MYLK: variants seen among roughly 807,000 people sequenced by gnomAD.
MYLK encodes the protein myosin light chain kinase, smooth muscle.
A neutral mutation model predicts 203.4 loss-of-function variants in MYLK; 106 were observed. The observed-to-expected ratio is 0.52, with a 90% CI of 0.45 to 0.61. MYLK has a LOEUF of 0.61. MYLK is among the 20% of genes least tolerant of loss of function. MYLK has a pLI of 0.00. For synonymous variants in MYLK, 867 were observed against 959.5 expected (o/e 0.90, Z 1.78); for missense variants, 2,072 against 2,442.3 (o/e 0.85, Z 3.20).
chr3:123,812,764 G>A (rs1329703539), intron 3 of MYLK, among the ~76,000 whole-genome samples: 1 of 152,188 alleles, frequency 6.6e-6, no homozygotes. Flanking sequence ...CGGCTTCTCC[G>A]TTGACTGGGG....
intron 3 of MYLK, among the ~76,000 whole-genome samples, chr3:123,806,169 TTC>T (rs2065359432): frequency 6.6e-6 from 1 of 152,252 alleles, no homozygotes; most frequent in Non-Finnish European, 1.5e-5. Flanking sequence ...TGCTCTCATC[TTC>T]TCAGATTCTA....
chr3:123,862,781 A>G (rs1169222687), intron 2 of MYLK, among the ~76,000 whole-genome samples: 1 of 152,156 alleles, frequency 6.6e-6, no homozygotes, highest in African/African-American at 2.4e-5. Flanking sequence ...ATCCCCTTTC[A>G]GCAGCCCCCA....
chr3:123,673,473 T>G (rs1217083503), intron 20 of MYLK, among the ~76,000 whole-genome samples: 3 of 151,758 alleles, frequency 2.0e-5, no homozygotes, highest in Non-Finnish European at 4.4e-5. Flanking sequence ...AACAAACAGA[T>G]CCCCAGAGGA....
Position 123,805,137 on chromosome 3 carries a change from T to C in MYLK, c.-3-11293A>G, listed in dbSNP as rs146381644. Among the ~76,000 whole-genome samples the C allele has an allele frequency of 2.3e-3, 348 of 152,260 alleles. 14 individuals are homozygous for C. The East Asian group carries it at 0.06, about 26-fold the overall frequency. ...CATGGTTGACTCGAGCTTCCATTAC[T>C]GAAAGGCCTGGGGATACTTCTATTC... is the stretch of plus-strand genomic sequence containing the variant. On this transcript the variant is annotated intron_variant, in intron 3 of 33. Transcript: ENST00000360304.
chr3:123,823,996 A>G (rs2066025718), intron 3 of MYLK, among the ~76,000 whole-genome samples: 1 of 151,898 alleles, frequency 6.6e-6, no homozygotes, highest in South Asian at 2.1e-4. Context: ...TCACCTCCAC[A>G]GGGGGGCCTT....
intron 3 of MYLK, among the ~76,000 whole-genome samples, chr3:123,794,800 T>C (rs1198119993): frequency 2.0e-5 from 3 of 152,252 alleles, no homozygotes; most frequent in African/African-American, 4.8e-5. Flanking sequence ...ATTACCAATA[T>C]GTAAAAATAA....
Position 123,613,860 on chromosome 3 carries a change from G to A in MYLK, c.*245C>T. 2 of 529,764 alleles carry A rather than the reference G, an allele frequency of 3.8e-6. No individual in the cohort carries two copies. Among genetic ancestry groups the A allele is most frequent in the Non-Finnish European group, 6.8e-6 (2 of 294,660 alleles). 32.8% of individuals were successfully genotyped at this position (529,764 alleles called of 1,614,324 possible). ...AAATCAATTGGTCAGTCAAGTTACT[G>A]GTGATTTCCCTAAATGAAATCTAGC... On this transcript the variant is annotated 3_prime_UTR_variant, in exon 34 of 34. Coordinates refer to ENST00000360304, the MANE Select transcript of MYLK (RefSeq NM_053025.4).
chr3:123,782,480 T>C (rs527929921), intron 4 of MYLK, among the ~76,000 whole-genome samples: 1 of 152,362 alleles, frequency 6.6e-6, no homozygotes, highest in African/African-American at 2.4e-5. Context: ...TCTTACTTAT[T>C]AACTTTACTT....
intron 31 of MYLK, chr3:123,624,917 T>C (rs904618210): frequency 6.6e-6 from 1 of 152,202 alleles, no homozygotes; most frequent in Non-Finnish European, 1.5e-5. Context: ...ACACTCTACT[T>C]TCTGAGGCAA....
chr3:123,823,676 A>T (rs2066013478), intron 3 of MYLK, among the ~76,000 whole-genome samples: 1 of 152,174 alleles, frequency 6.6e-6, no homozygotes, highest in African/African-American at 2.4e-5. Context: ...ACACAGTCAG[A>T]TTGCGGTGCT....
intron 4 of MYLK, among the ~76,000 whole-genome samples, chr3:123,779,672 G>A (rs1218118259): frequency 6.6e-6 from 1 of 152,246 alleles, no homozygotes; most frequent in African/African-American, 2.4e-5. Context: ...CCACATGAGA[G>A]AAGAACAAGT....
intron 4 of MYLK, among the ~76,000 whole-genome samples, chr3:123,771,033 T>G (rs777262428): frequency 9.2e-5 from 14 of 152,198 alleles, no homozygotes; most frequent in Non-Finnish European, 1.8e-4. Flanking sequence ...TTCCAAGAAT[T>G]TCACAGAACT....
At chr3:123,729,689 T>C (rs2062409907) in intron 11 of MYLK, among the ~76,000 whole-genome samples, 1 of 152,130 alleles carries the variant, frequency 6.6e-6, no homozygotes, top group African/African-American at 2.4e-5. Context: ...AAGTCCAGCC[T>C]GGGCAACATA....
rs2058299084 is a variant in MYLK, at chr3:123,629,144, C to T, written c.5114+330G>A. ...GGGCTGTGGCTGGCCACAACTGTAC[C>T]CAGAAAATAAGAAGGGTGGTCATTA... On this transcript the variant is annotated intron_variant, in intron 30 of 33. Transcript: ENST00000360304. This position sits in a 1 kb window ranked among gnomAD's most constrained non-coding sequence, Gnocchi z 4.4. 6.6e-6 allele frequency among the ~76,000 whole-genome samples: 1 copy of T among 152,156 alleles called. No individual in the cohort carries two copies. The highest frequency in any genetic ancestry group is 1.5e-5 in the Non-Finnish European group (1 of 68,030).
intron 24 of MYLK, among the ~76,000 whole-genome samples, chr3:123,651,475 G>A (rs952517392): frequency 3.3e-5 from 5 of 152,150 alleles, no homozygotes; most frequent in African/African-American, 1.2e-4. Context: ...CTGTCAGGGA[G>A]GCCCCTGTCT....
chr3:123,769,952 C>T (rs551904562), intron 4 of MYLK, among the ~76,000 whole-genome samples: 13 of 152,170 alleles, frequency 8.5e-5, no homozygotes, highest in East Asian at 7.7e-4. Flanking sequence ...AGGCTGCTCA[C>T]GAGTACTAAA....
At position 123,709,830 on chromosome 3, in the gene MYLK, G is replaced by C; in HGVS notation, c.1868C>G (p.Pro623Arg). 1 of 1,614,192 alleles carries C rather than the reference G, an allele frequency of 6.2e-7. No homozygotes were observed. The highest frequency in any genetic ancestry group is 8.5e-7 in the Non-Finnish European group (1 of 1,180,030). Residue 623 changes from proline (P) to arginine (R), a missense_variant, in exon 14 of 34, where the codon CCC becomes CGC. Transcript: ENST00000360304. ...ATCAGAGAGGCCCTGCAGGAAGATG[G>C]GTGCAGTGGGCTTGCTGGGAGCCAC... ...LPVAPSKPTA[P>R]IFLQGLSDLK... is the part of the protein sequence containing the mutation.
rs1463043319 is a variant in MYLK, at chr3:123,612,522, T to C, written c.*1583A>G. On this transcript the variant is annotated 3_prime_UTR_variant, in exon 34 of 34. Coordinates refer to ENST00000360304, the MANE Select transcript of MYLK (RefSeq NM_053025.4). ...AACACAAAAGTGATAGAAAAAAGCT[T>C]TGAATGCGCTAAATCAAATAAAAAC... 6.6e-6 allele frequency: 1 copy of C among 152,596 alleles called. No individual in the cohort carries two copies. The highest frequency in any genetic ancestry group is 1.9e-4 in the East Asian group (1 of 5,200). The allele number at this position is 152,596 out of a possible 1,614,324, so 9.5% of individuals were successfully genotyped here.
intron 4 of MYLK, among the ~76,000 whole-genome samples, chr3:123,792,574 G>T (rs572054110): frequency 2.0e-5 from 3 of 152,116 alleles, no homozygotes; most frequent in Admixed American, 6.5e-5. Flanking sequence ...CTTTCGCTTA[G>T]CATAATGTGT....
Sources: allele counts gnomAD v4.1 joint callset (sites outside exome capture counted in the v4.1 genomes callset), GRCh38; gene constraint gnomAD v4.1.1; non-coding constraint Gnocchi (gnomAD v3.1); transcripts MANE v1.5; gene names NCBI Gene and HGNC (gene_info 2026-07-23, HGNC 2026-07-21).